VSNL1: variants seen among roughly 807,000 people sequenced by gnomAD.
The protein encoded by VSNL1 is visinin-like protein 1.
In VSNL1, 6 loss-of-function variants were observed where a neutral mutation model predicts 20.4. The ratio of observed to expected loss-of-function variants is 0.29; its 90% CI spans 0.16 to 0.58. The LOEUF is 0.58. VSNL1 is among the 20% of genes least tolerant of loss of function. The probability of loss-of-function intolerance (pLI) is 0.90; values close to 1 mark genes in which losing one functional copy is unlikely to be tolerated. For synonymous variants in VSNL1, 93 were observed against 86.4 expected, an observed-to-expected ratio of 1.08 and a Z score of -0.42; for missense variants, 100 against 234.5, an observed-to-expected ratio of 0.43 and a Z score of 3.75.
chr2:17,655,181 T>C lies in VSNL1; in HGVS notation c.379-16T>C. 6.2e-7 allele frequency: 1 copy of C among 1,608,512 alleles called. No individual in the cohort carries two copies. The highest frequency in any genetic ancestry group is 2.2e-5 in the East Asian group (1 of 44,836). On this transcript the variant is annotated splice_polypyrimidine_tract_variant and intron_variant, in intron 3 of 3. Coordinates refer to ENST00000295156, the MANE Select transcript of VSNL1 (RefSeq NM_003385.5). The surrounding 1 kb of genome is among the most constrained non-coding windows in gnomAD (Gnocchi z 5.2). ...GGGTTTCTGGTAATATCACCTACAA[T>C]GCTTTTTTCCCCAAGGCTATCTACA... is the stretch of plus-strand genomic sequence containing the variant.
At chr2:17,600,164 C>T (rs1664792428) in intron 2 of VSNL1, among the ~76,000 whole-genome samples, 1 of 152,196 alleles carries the variant, frequency 6.6e-6, no homozygotes, top group Non-Finnish European at 1.5e-5. Flanking sequence ...CCTGGTTCTG[C>T]CATACACTAG....
intron 2 of VSNL1, among the ~76,000 whole-genome samples, chr2:17,617,787 G>C (rs1018924355): frequency 2.0e-5 from 3 of 152,156 alleles, no homozygotes; most frequent in Admixed American, 2.0e-4. Flanking sequence ...GTCAGGCTGG[G>C]CATGCTGGAA....
intron 1 of VSNL1, among the ~76,000 whole-genome samples, chr2:17,572,532 AAAG>A (rs897649742): frequency 6.6e-5 from 10 of 152,172 alleles, no homozygotes; most frequent in Admixed American, 6.5e-5. Context: ...GGAGGAAGAA[AAAG>A]AAGAAGGAGG....
chr2:17,611,257 T>A (rs891091248), intron 2 of VSNL1, among the ~76,000 whole-genome samples: 1 of 152,174 alleles, frequency 6.6e-6, no homozygotes, highest in Non-Finnish European at 1.5e-5. Flanking sequence ...GGAGAGGAAG[T>A]AACATGTCTA....
chr2:17,554,737 C>T (rs10209978), intron 1 of VSNL1, among the ~76,000 whole-genome samples: 4,695 of 151,956 alleles, frequency 0.031, 226 homozygotes, highest in African/African-American at 0.11. Context: ...GAGTAATATT[C>T]GCTCATTGTG....
Position 17,540,794 on chromosome 2 carries a change from AAG to A in VSNL1, c.-125_-124del, listed in dbSNP as rs1186438214. ...TAAGCAGCCCAGAGCTCCAGAGAAA[AAG>A]AGAGCGAGAGAGAACCACACACAGA... On this transcript the variant is annotated 5_prime_UTR_variant, in exon 1 of 4. Transcript: ENST00000295156. 1 of 152,704 alleles carries A rather than the reference AAG, an allele frequency of 6.5e-6. No homozygotes were observed. Among genetic ancestry groups the A allele is most frequent in the Non-Finnish European group, 1.5e-5 (1 of 68,056 alleles). 9.5% of individuals were successfully genotyped at this position (152,704 alleles called of 1,614,324 possible).
intron 1 of VSNL1, among the ~76,000 whole-genome samples, chr2:17,573,823 T>C (rs995486380): frequency 6.6e-6 from 1 of 152,234 alleles, no homozygotes; most frequent in Non-Finnish European, 1.5e-5. Flanking sequence ...CTGCCACAGA[T>C]ATTTTCTACA....
intron 1 of VSNL1, among the ~76,000 whole-genome samples, chr2:17,542,301 C>A (rs1663303038): frequency 6.6e-6 from 1 of 152,062 alleles, no homozygotes; most frequent in Non-Finnish European, 1.5e-5. Context: ...TATTTAATAA[C>A]CCCAGAAAAT....
At position 17,656,642 on chromosome 2, in the gene VSNL1, A is replaced by G. The variant is rs1480812198; in HGVS notation, c.*1248A>G. On this transcript the variant is annotated 3_prime_UTR_variant, in exon 4 of 4. Coordinates refer to ENST00000295156, the MANE Select transcript of VSNL1 (RefSeq NM_003385.5). ...CTCTTTTGATCTTGAAGGAGGCAGA[A>G]GAGATTCCATCAAAACCTCTAAAAG... 1 of 152,250 alleles carries G rather than the reference A, an allele frequency of 6.6e-6. No homozygotes were observed. The highest frequency in any genetic ancestry group is 2.4e-5 in the African/African-American group (1 of 41,472). The allele number at this position is 152,250 out of a possible 1,614,324, so 9.4% of individuals were successfully genotyped here. A position where few individuals can be genotyped will look rare whatever the true frequency, so the allele number is the denominator to read the frequency against.
At chr2:17,585,282 C>T (rs1047195141) in intron 1 of VSNL1, among the ~76,000 whole-genome samples, 1 of 151,874 alleles carries the variant, frequency 6.6e-6, no homozygotes, top group Non-Finnish European at 1.5e-5. Context: ...CCTCCCTGCC[C>T]GCTGGGAAAT....
chr2:17,609,869 C>A (rs1179412567), intron 2 of VSNL1, among the ~76,000 whole-genome samples: 1 of 152,218 alleles, frequency 6.6e-6, no homozygotes, highest in Non-Finnish European at 1.5e-5. Context: ...ATAGCTTACA[C>A]AACCCCCCAC....
intron 1 of VSNL1, among the ~76,000 whole-genome samples, chr2:17,553,951 A>T (rs1663612573): frequency 1.3e-5 from 2 of 152,206 alleles, no homozygotes; most frequent in Admixed American, 1.3e-4. Context: ...ATAAATTCAT[A>T]ATAAAGAAGT....
chr2:17,559,323 G>A (rs138707329), intron 1 of VSNL1, among the ~76,000 whole-genome samples: 3,008 of 150,978 alleles, frequency 0.02, 78 homozygotes, highest in Non-Finnish European at 0.023. Context: ...AGCTTCTGCC[G>A]TACTAGTAAT....
intron 1 of VSNL1, among the ~76,000 whole-genome samples, chr2:17,572,283 C>T (rs2103357343): frequency 6.6e-6 from 1 of 152,192 alleles, no homozygotes; most frequent in South Asian, 2.1e-4. Context: ...TTCCATTGGT[C>T]CTTCCTATTT....
At chr2:17,583,815 T>C (rs1664405397) in intron 1 of VSNL1, among the ~76,000 whole-genome samples, 1 of 152,218 alleles carries the variant, frequency 6.6e-6, no homozygotes, top group Admixed American at 6.5e-5. Context: ...TGTGTACGTC[T>C]GTTTACATGT....
intron 2 of VSNL1, among the ~76,000 whole-genome samples, chr2:17,623,446 G>T (rs1398081720): frequency 6.6e-6 from 1 of 152,072 alleles, no homozygotes; most frequent in Non-Finnish European, 1.5e-5. Flanking sequence ...AATGTGGGCA[G>T]ATCACAAGGT....
At chr2:17,653,334 T>C (rs1376761199) in intron 3 of VSNL1, among the ~76,000 whole-genome samples, 3 of 152,230 alleles carry the variant, frequency 2.0e-5, no homozygotes, top group African/African-American at 4.8e-5. Context: ...ACTTTATTAA[T>C]AGTGCACTTG....
intron 2 of VSNL1, among the ~76,000 whole-genome samples, chr2:17,631,421 A>G (rs917346414): frequency 5.3e-5 from 8 of 152,232 alleles, no homozygotes; most frequent in African/African-American, 1.9e-4. Context: ...AAATGCAAAA[A>G]TGGTTGGATA....
chr2:17,567,187 A>G (rs1377593187), intron 1 of VSNL1, among the ~76,000 whole-genome samples: 1 of 152,156 alleles, frequency 6.6e-6, no homozygotes, highest in Non-Finnish European at 1.5e-5. Context: ...GAACTGATGC[A>G]TTATAAGATG....
Sources: gnomAD v4.1 joint callset for allele counts (sites outside exome capture counted in the v4.1 genomes callset) on GRCh38, gnomAD v4.1.1 for gene constraint, Gnocchi (gnomAD v3.1) non-coding constraint, MANE v1.5 for transcripts, NCBI Gene and HGNC (gene_info 2026-07-23, HGNC 2026-07-21) for gene names.